The following EDA2R variants were observed in gnomAD, a reference collection of about 807,000 sequenced individuals.
EDA2R encodes the protein ectodysplasin A2 receptor, also known as tumor necrosis factor receptor superfamily member 27.
A neutral mutation model predicts 20.1 loss-of-function variants in EDA2R; 26 were observed. The observed-to-expected ratio is 1.30, with a 90% confidence interval of 0.95 to 1.80. The LOEUF (loss-of-function observed/expected upper bound fraction) is 1.80, where lower values mean the gene tolerates loss of function less well. Ranked by LOEUF, EDA2R falls within the 40% of genes most tolerant of loss-of-function variation. EDA2R has a pLI of 0.00. For missense variants in EDA2R, 277 were observed against 228.7 expected (o/e 1.21, Z -1.36); for synonymous variants, 114 against 88.7 (o/e 1.29, Z -1.60).
chrX:66,609,661 G>A (rs1049486804), intron 2 of EDA2R, among the ~76,000 whole-genome samples: 1 of 111,710 alleles, frequency 9.0e-6, no homozygotes, highest in Non-Finnish European at 1.9e-5. Flanking sequence ...ACTGACCAGC[G>A]ATGTGACCTT....
rs759006589 is a variant in EDA2R at position 66,597,034 on chromosome X, C to T, written c.*1070G>A. On this transcript the variant is annotated 3_prime_UTR_variant, in exon 7 of 7. Coordinates refer to ENST00000374719, the MANE Select transcript of EDA2R (RefSeq NM_021783.5). ...TAAAATTCTAAAAGCAAAAATCTTG[C>T]TGTAGACAGCACTCCTTTGCCAGAG... is the stretch of plus-strand genomic sequence containing the variant. 8.0e-5 allele frequency: 9 copies of T among 113,180 alleles called. No individual in the cohort carries two copies. Among genetic ancestry groups the T allele is most frequent in the Non-Finnish European group, 1.5e-4 (8 of 53,444 alleles). The allele number at this position is 113,180 out of a possible 1,213,427, so 9.3% of individuals were successfully genotyped here.
chrX:66,624,334 C>G (rs763080034), intron 1 of EDA2R, among the ~76,000 whole-genome samples: 9 of 111,163 alleles, frequency 8.1e-5, no homozygotes, highest in African/African-American at 2.9e-4. Flanking sequence ...GCCTAGCCAA[C>G]AAGATGAAAC....
intron 5 of EDA2R, 97 bp from the exon 6 acceptor site, chrX:66,599,957 G>A (rs1444352535): frequency 2.3e-5 from 26 of 1,136,970 alleles, no homozygotes; most frequent in Admixed American, 5.7e-5. Context: ...AAAGGTCTGG[G>A]AGCTGATTCT....
chrX:66,606,684 G>C (rs1929739193), intron 2 of EDA2R, among the ~76,000 whole-genome samples: 1 of 112,223 alleles, frequency 8.9e-6, no homozygotes, highest in Non-Finnish European at 1.9e-5. Flanking sequence ...ATTTTTACTT[G>C]TACTTGTTAC....
At chrX:66,628,747 A>G (rs1264538984) in intron 1 of EDA2R, among the ~76,000 whole-genome samples, 1 of 110,204 alleles carries the variant, frequency 9.1e-6, no homozygotes, top group Non-Finnish European at 1.9e-5. Context: ...TTCACAACTG[A>G]TTTCTAGAAG....
In EDA2R at chrX:66,599,026, T is replaced by C. The variant is rs907524744; in HGVS notation, c.*10+448A>G. 3.6e-5 allele frequency among the ~76,000 whole-genome samples: 4 copies of C among 112,132 alleles called. No homozygotes were observed. The Admixed American group carries it at 3.8e-4, about 11-fold the overall frequency. ...CTCTCTGTGTCTCAGTTCCTGCCTC[T>C]GTAAAATGTAAAATGAAGTGACATA... On this transcript the variant is annotated intron_variant, in intron 6 of 6. Transcript: ENST00000374719.
At chrX:66,602,897 G>A in intron 4 of EDA2R, 100 bp from the exon 5 acceptor site, 1 of 790,179 alleles carries the variant, frequency 1.3e-6, no homozygotes. Context: ...CTTCTCCCTA[G>A]GGCCTTCCCC....
chrX:66,606,513 G>A (rs1170511843), intron 2 of EDA2R, among the ~76,000 whole-genome samples: 1 of 111,917 alleles, frequency 8.9e-6, no homozygotes, highest in Non-Finnish European at 1.9e-5. Flanking sequence ...GGAGTAGGCA[G>A]CTTCAAGCTC....
At chrX:66,634,202 G>C (rs1423574297) in intron 1 of EDA2R, among the ~76,000 whole-genome samples, 1 of 112,169 alleles carries the variant, frequency 8.9e-6, no homozygotes, top group Non-Finnish European at 1.9e-5. Flanking sequence ...AAATGCTGCT[G>C]CCAAAATATT....
intron 1 of EDA2R, among the ~76,000 whole-genome samples, chrX:66,624,848 AG>A (rs2147937982): frequency 8.9e-6 from 1 of 112,348 alleles, no homozygotes; most frequent in African/African-American, 3.2e-5. Flanking sequence ...GAAGTGGGAA[AG>A]GGAGATCCTC....
intron 5 of EDA2R, 121 bp from the exon 6 acceptor site, chrX:66,599,981 C>T (rs1928253719): frequency 1.8e-6 from 2 of 1,135,158 alleles, no homozygotes; most frequent in Non-Finnish European, 2.3e-6. Context: ...CTTCCTCTCC[C>T]TGGGGTCTAG....
At chrX:66,605,329 A>T in intron 2 of EDA2R, 103 bp from the exon 3 acceptor site, 2 of 700,485 alleles carry the variant, frequency 2.9e-6, no homozygotes, top group Non-Finnish European at 4.0e-6. Context: ...GCAACTTGCA[A>T]CCCCATTACT....
intron 2 of EDA2R, among the ~76,000 whole-genome samples, chrX:66,611,288 A>G (rs751728313): frequency 4.5e-5 from 5 of 111,826 alleles, no homozygotes; most frequent in Non-Finnish European, 7.5e-5. Context: ...CAAAATGTCC[A>G]GAACACAACG....
At position 66,599,560 on chromosome X, in the gene EDA2R, G is replaced by T. The variant is rs1358521859; in HGVS notation, c.818C>A (p.Thr273Asn). The T allele has an allele frequency of 1.7e-6, 2 of 1,189,394 alleles. No homozygotes were observed. Among genetic ancestry groups the T allele is most frequent in the Non-Finnish European group, 2.3e-6 (2 of 884,261 alleles). Residue 273 changes from threonine to asparagine, a missense_variant, in exon 6 of 7, where the codon ACC becomes AAC. Thr to Asn is a moderately conservative substitution (Grantham distance 65). Coordinates refer to ENST00000374719, the MANE Select transcript of EDA2R (RefSeq NM_021783.5). Reference protein sequence around the residue: ...SSSASYTGAETLGGNTVESTG... With the variant: ...SSSASYTGAENLGGNTVESTG... The stretch of plus-strand genomic sequence containing the variant: ...GCTTTCGACTGTGTTTCCCCCCAAG[G>T]TCTCAGCTCCAGTATAGGAGGCAGA...
At chrX:66,610,272 AACACACACACACAC>A (rs10657734) in intron 2 of EDA2R, among the ~76,000 whole-genome samples, 4 of 87,454 alleles carry the variant, frequency 4.6e-5, no homozygotes, top group African/African-American at 8.5e-5. Context: ...CAGATACACA[AACACACACACACAC>A]ACACACACAC....
At chrX:66,616,840 T>C (rs1429347282) in intron 1 of EDA2R, among the ~76,000 whole-genome samples, 3 of 112,254 alleles carry the variant, frequency 2.7e-5, no homozygotes, top group Non-Finnish European at 5.6e-5. Context: ...TTTTCTGGCC[T>C]CGGTTACTTA....
At chrX:66,620,452 A>T (rs1932413893) in intron 1 of EDA2R, among the ~76,000 whole-genome samples, 1 of 111,865 alleles carries the variant, frequency 8.9e-6, no homozygotes, top group Non-Finnish European at 1.9e-5. Flanking sequence ...CTCACAATAG[A>T]CTAAATCCCC....
In EDA2R at chrX:66,599,859, TC is replaced by T. The variant is rs748138568; in HGVS notation, c.518del (p.Gly173GlufsTer32). ...TATCAGCCTCAAACTGCAGCAAACCTCCTGCAACTCGAAGCAGAAAGCCACT... is the reference window on the plus strand; with the variant it reads ...TATCAGCCTCAAACTGCAGCAAACCTCTGCAACTCGAAGCAGAAAGCCACT... ...KQFFNRHCQRGGLLQFEADKT... is the reference protein window; with the variant it reads ...KQFFNRHCQRXGLLQFEADKT... On this transcript the variant is annotated frameshift_variant and splice_region_variant, in exon 6 of 7. Coordinates refer to ENST00000374719, the MANE Select transcript of EDA2R (RefSeq NM_021783.5). LOFTEE classifies it high-confidence loss of function. 9.2e-6 allele frequency: 11 copies of T among 1,201,169 alleles called. No homozygotes were observed. In the South Asian group the frequency reaches 1.8e-4, roughly 20 times the overall value.
chrX:66,597,985 AG>A lies in EDA2R; in HGVS notation c.*118del. 1 of 929,928 alleles carries A rather than the reference AG, an allele frequency of 1.1e-6. No homozygotes were observed. Among genetic ancestry groups the A allele is most frequent in the Non-Finnish European group, 1.4e-6 (1 of 724,030 alleles). 76.6% of individuals were successfully genotyped at this position (929,928 alleles called of 1,213,427 possible). Reference sequence around the variant, plus strand: ...ATGGGATAGGATATGCCCCATCTGTAGGGTATTAGCTCTTGTGGACATCACA... The same window carrying A: ...ATGGGATAGGATATGCCCCATCTGTAGGTATTAGCTCTTGTGGACATCACA... On this transcript the variant is annotated 3_prime_UTR_variant, in exon 7 of 7. Coordinates refer to ENST00000374719, the MANE Select transcript of EDA2R (RefSeq NM_021783.5).
Sources: allele counts gnomAD v4.1 joint callset (sites outside exome capture counted in the v4.1 genomes callset), GRCh38; gene constraint gnomAD v4.1.1; transcripts MANE v1.5; gene names NCBI Gene and HGNC (gene_info 2026-07-23, HGNC 2026-07-21).